SLC19A3: variants seen among roughly 807,000 people sequenced by gnomAD.
SLC19A3 encodes the protein thiamine transporter 2.
In SLC19A3, 31 loss-of-function variants were observed where a neutral mutation model predicts 40.2. The ratio of observed to expected loss-of-function variants is 0.77; its 90% CI spans 0.58 to 1.04. The LOEUF is 1.04. Ranked by LOEUF, SLC19A3 falls within the 50% of genes least tolerant of loss-of-function variation. The probability of loss-of-function intolerance (pLI) is 0.00; values close to 1 mark genes in which losing one functional copy is unlikely to be tolerated. For missense variants in SLC19A3, 592 were observed against 596.7 expected, an observed-to-expected ratio of 0.99 and a Z score of 0.08; for synonymous variants, 212 against 227.5, an observed-to-expected ratio of 0.93 and a Z score of 0.61.
At chr2:227,691,501 C>T (rs373981641) in intron 4 of SLC19A3, among the ~76,000 whole-genome samples, 1 of 152,082 alleles carries the variant, frequency 6.6e-6, no homozygotes, top group African/African-American at 2.4e-5. Flanking sequence ...CCCAGCTTCT[C>T]AGGAGTCTGA....
chr2:227,717,979 T>G lies in SLC19A3; in HGVS notation c.-39A>C. 1 of 985,342 alleles carries G rather than the reference T, an allele frequency of 1.0e-6. No homozygotes were observed. Among genetic ancestry groups the G allele is most frequent in the Non-Finnish European group, 1.2e-6 (1 of 829,952 alleles). 61.0% of individuals were successfully genotyped at this position (985,342 alleles called of 1,614,324 possible). On this transcript the variant is annotated 5_prime_UTR_variant, in exon 1 of 6. Transcript: ENST00000644224. ...AGTGTCTGTTCACCAAATCGCTCAC[T>G]TGCCGCACGACCACGCACCCGCGGC...
intron 5 of SLC19A3, 91 bp from the exon 6 acceptor site, chr2:227,687,664 TG>T: frequency 7.2e-7 from 1 of 1,393,480 alleles, no homozygotes; most frequent in Non-Finnish European, 9.9e-7. Flanking sequence ...GCTTGGATTA[TG>T]GGGTAACTGA....
At chr2:227,691,701 C>A (rs78494407) in intron 4 of SLC19A3, among the ~76,000 whole-genome samples, 1 of 151,678 alleles carries the variant, frequency 6.6e-6, no homozygotes, top group African/African-American at 2.4e-5. Context: ...AAACTTAACC[C>A]AAAATTAGTA....
intron 1 of SLC19A3, among the ~76,000 whole-genome samples, chr2:227,717,303 G>A (rs1696367861): frequency 6.6e-6 from 1 of 152,086 alleles, no homozygotes; most frequent in Admixed American, 6.5e-5. Flanking sequence ...CGCCTGGCCT[G>A]AGAGTACTTT....
At chr2:227,697,063 T>C (rs1337460125) in intron 3 of SLC19A3, among the ~76,000 whole-genome samples, 1 of 152,126 alleles carries the variant, frequency 6.6e-6, no homozygotes, top group Non-Finnish European at 1.5e-5. Context: ...AGACTCTGTC[T>C]AAAATAAATA....
Position 227,696,084 on chromosome 2 carries a change from G to A in SLC19A3, c.980-3C>T, listed in dbSNP as rs1182672706. The stretch of plus-strand genomic sequence containing the variant: ...CACTGCAAAGGCAGCCACAGCCCCT[G>A]AAAAAAAACATTGAAGGCAATCAAA... On this transcript the variant is annotated splice_region_variant and splice_polypyrimidine_tract_variant and intron_variant, in intron 3 of 5. Coordinates refer to ENST00000644224, the MANE Select transcript of SLC19A3 (RefSeq NM_025243.4). 1 of 1,613,240 alleles carries A rather than the reference G, an allele frequency of 6.2e-7. No homozygotes were observed. The highest frequency in any genetic ancestry group is 1.7e-5 in the Admixed American group (1 of 59,942).
intron 1 of SLC19A3, among the ~76,000 whole-genome samples, chr2:227,717,001 T>G (rs1415193514): frequency 7.1e-6 from 1 of 140,754 alleles, no homozygotes; most frequent in African/African-American, 2.7e-5. Context: ...TGCTTTTTTT[T>G]TTTTTTTTTT....
intron 4 of SLC19A3, among the ~76,000 whole-genome samples, 195 bp from the exon 5 acceptor site, chr2:227,688,502 TTCTTCTGGATCTTATCCAAGACCACCAAA>T: frequency 6.6e-6 from 1 of 152,172 alleles, no homozygotes; most frequent in Admixed American, 6.5e-5. Flanking sequence ...ATCCAGAGAA[TTCTTCTGGATCTTATCCAAGACCACCAAA>T]GCAGTAGCTC....
chr2:227,716,364 A>T (rs1696335855), intron 1 of SLC19A3, among the ~76,000 whole-genome samples: 1 of 152,010 alleles, frequency 6.6e-6, no homozygotes, highest in African/African-American at 2.4e-5. Flanking sequence ...TTTCGTCACT[A>T]ATAAGTGCCG....
At chr2:227,689,134 CAAAAAGGAAAA>C (rs1272698109) in intron 4 of SLC19A3, among the ~76,000 whole-genome samples, 1 of 151,816 alleles carries the variant, frequency 6.6e-6, no homozygotes, top group African/African-American at 2.4e-5. Context: ...AAAACAGCCT[CAAAAAGGAAAA>C]TCTAAGTTAT....
At chr2:227,699,967 T>C (rs1574561661) in intron 2 of SLC19A3, among the ~76,000 whole-genome samples, 1 of 151,984 alleles carries the variant, frequency 6.6e-6, no homozygotes, top group East Asian at 2.0e-4. Flanking sequence ...AACCACCATC[T>C]CCCAGGTTCA....
chr2:227,716,966 T>C (rs985900815), intron 1 of SLC19A3, among the ~76,000 whole-genome samples: 7 of 150,040 alleles, frequency 4.7e-5, no homozygotes, highest in Non-Finnish European at 1.0e-4. Context: ...TGTTTCAATA[T>C]TGATAGGAGC....
At chr2:227,704,944 G>A (rs527764686) in intron 1 of SLC19A3, among the ~76,000 whole-genome samples, 2 of 151,734 alleles carry the variant, frequency 1.3e-5, no homozygotes, top group African/African-American at 4.8e-5. Flanking sequence ...GCAGTGGCAC[G>A]ATTTCAGCTC....
intron 4 of SLC19A3, 92 bp from the exon 5 acceptor site, chr2:227,688,399 G>T: frequency 1.7e-6 from 2 of 1,170,928 alleles, no homozygotes; most frequent in Non-Finnish European, 1.3e-6. Context: ...GGGTATTTGT[G>T]TCACCCACCT....
rs1696030882 is a variant in SLC19A3, at chr2:227,708,561, CAAA to C, written c.-2-6244_-2-6242del. Among the ~76,000 whole-genome samples the C allele has an allele frequency of 1.1e-3, 3 of 2,780 alleles. No individual in the cohort carries two copies. In the Non-Finnish European group the frequency reaches 0.12, roughly 116 times the overall value. The allele number at this position is 2,780 out of a possible 152,430, so 1.8% of individuals were successfully genotyped here. ...CAACATAGTGAGACCCTGTCTCTAT[CAAA>C]CAAACAAACAAACAAACAAACAAAC... On this transcript the variant is annotated intron_variant, in intron 1 of 5. Transcript: ENST00000644224.
Position 227,699,556 on chromosome 2 carries a change from A to G in SLC19A3, c.159T>C (p.Asn53=). The change falls in exon 3 of 6, where the codon AAT becomes AAC. Residue 53 remains asparagine, a synonymous_variant. Transcript: ENST00000644224. ...AGTATGTCCAAACGGGGAAGATCTC[A>G]TTTGTTATCTGCAAAGTTGGTAAAT... ...DKNLTSAEIT[N]EIFPVWTYSY... 6.2e-7 allele frequency: 1 copy of G among 1,606,936 alleles called. No individual in the cohort carries two copies. The highest frequency in any genetic ancestry group is 8.5e-7 in the Non-Finnish European group (1 of 1,173,460).
Position 227,696,090 on chromosome 2 carries a change from A to C in SLC19A3, c.980-9T>G, listed in dbSNP as rs767865889. 2.5e-6 allele frequency: 4 copies of C among 1,613,836 alleles called. No homozygotes were observed. Among genetic ancestry groups the C allele is most frequent in the South Asian group, 2.2e-5 (2 of 91,076 alleles). On this transcript the variant is annotated splice_polypyrimidine_tract_variant and intron_variant, in intron 3 of 5. Coordinates refer to ENST00000644224, the MANE Select transcript of SLC19A3 (RefSeq NM_025243.4). ...AAAGGCAGCCACAGCCCCTGAAAAAAAACATTGAAGGCAATCAAACATAAT... is the reference window on the plus strand; with the variant it reads ...AAAGGCAGCCACAGCCCCTGAAAAACAACATTGAAGGCAATCAAACATAAT...
chr2:227,698,854 G>T lies in SLC19A3; in HGVS notation c.861C>A (p.Phe287Leu), dbSNP rs764867524. 1 of 1,614,170 alleles carries T rather than the reference G, an allele frequency of 6.2e-7. No homozygotes were observed. ...RLFYWSLWWA[F>L]ATAGFNQVLN... ...AAACCTGGTTAAAACCTGCTGTGGC[G>T]AAAGCCCACCATAGAGACCAGTAGA... Residue 287 changes from phenylalanine (F) to leucine (L), a missense_variant, in exon 3 of 6, where the codon TTC becomes TTA. Coordinates refer to ENST00000644224, the MANE Select transcript of SLC19A3 (RefSeq NM_025243.4).
chr2:227,712,932 A>G (rs912917938), intron 1 of SLC19A3, among the ~76,000 whole-genome samples: 1 of 152,142 alleles, frequency 6.6e-6, no homozygotes, highest in Non-Finnish European at 1.5e-5. Context: ...AGTGACTGCA[A>G]TAGAGCGCAG....
Sources: gnomAD v4.1 joint callset for allele counts (sites outside exome capture counted in the v4.1 genomes callset) on GRCh38, gnomAD v4.1.1 for gene constraint, MANE v1.5 for transcripts, NCBI Gene and HGNC (gene_info 2026-07-23, HGNC 2026-07-21) for gene names.